Variants in ESR1 observed in about 807,000 individuals in gnomAD.
ESR1 encodes the protein estrogen receptor.
Under a neutral mutation model 52.7 loss-of-function variants are expected in ESR1, and 12 were observed. That is an observed-to-expected ratio of 0.23 (90% CI 0.15 to 0.37). ESR1 has a LOEUF of 0.37. ESR1 is among the 10% of genes least tolerant of loss of function. The pLI, the probability that ESR1 is intolerant of heterozygous loss-of-function variation, is 1.00. For missense variants in ESR1, 584 were observed against 779.7 expected, an observed-to-expected ratio of 0.75 and a Z score of 2.99; for synonymous variants, 305 against 316.8, an observed-to-expected ratio of 0.96 and a Z score of 0.39.
At chr6:151,842,925 G>C (rs537681066) in intron 2 of ESR1, 138 bp downstream of exon 2, 41 of 715,430 alleles carry the variant, frequency 5.7e-5, no homozygotes, top group South Asian at 5.1e-5. Context: ...AGTATCTTTG[G>C]TAGAAACATG....
In ESR1 at chr6:151,842,712, G is replaced by A. The variant is rs2128234580; in HGVS notation, c.568G>A (p.Asp190Asn). Residue 190 changes from aspartate (D) to asparagine (N), a missense_variant, in exon 2 of 8, where the codon GAC becomes AAC. Physicochemically the swap from Asp to Asn is conservative, Grantham distance 23 (BLOSUM62 1). Coordinates refer to ENST00000206249, the MANE Select transcript of ESR1 (RefSeq NM_000125.4). The stretch of plus-strand genomic sequence containing the variant: ...GACTCGCTACTGTGCAGTGTGCAAT[G>A]ACTATGCTTCAGGCTACCATTATGG... ...KETRYCAVCN[D>N]YASGYHYGVW... is the part of the protein sequence containing the mutation. 6.2e-7 allele frequency: 1 copy of A among 1,614,002 alleles called. No homozygotes were observed. Among genetic ancestry groups the A allele is most frequent in the Non-Finnish European group, 8.5e-7 (1 of 1,179,950 alleles).
upstream of ESR1, among the ~76,000 whole-genome samples, chr6:151,686,017 T>C (rs1359730454): frequency 6.6e-6 from 1 of 150,608 alleles, no homozygotes; most frequent in African/African-American, 2.5e-5. Flanking sequence ...AGCCTCCAGG[T>C]AGCTGGGACC....
intron 2 of ESR1, among the ~76,000 whole-genome samples, chr6:151,787,875 A>C (rs1188733391): frequency 6.6e-6 from 1 of 152,154 alleles, no homozygotes; most frequent in Non-Finnish European, 1.5e-5. Flanking sequence ...AGGACTTCTA[A>C]TACTATGTTG....
Position 151,930,542 on chromosome 6 carries a change from C to T in ESR1, c.761-13631C>T, listed in dbSNP as rs142034369. ...ATTTTAAACAGGCAGTTATTGTTTACGTCAATTAAGAATTTAGAAAGAATT... is the reference window on the plus strand; with the variant it reads ...ATTTTAAACAGGCAGTTATTGTTTATGTCAATTAAGAATTTAGAAAGAATT... On this transcript the variant is annotated intron_variant, in intron 3 of 7. Transcript: ENST00000206249. 2.1e-4 allele frequency among the ~76,000 whole-genome samples: 32 copies of T among 152,162 alleles called. 1 individual carries two copies. The East Asian group carries it at 4.6e-3, about 22-fold the overall frequency.
At chr6:151,915,157 T>A (rs764548257) in intron 3 of ESR1, among the ~76,000 whole-genome samples, 8 of 151,356 alleles carry the variant, frequency 5.3e-5, no homozygotes, top group Non-Finnish European at 8.8e-5. Context: ...ATCATGCCAT[T>A]GCACTCCAGC....
intron 1 of ESR1, among the ~76,000 whole-genome samples, chr6:151,835,102 GT>G (rs1423772539): frequency 1.3e-5 from 2 of 152,150 alleles, no homozygotes; most frequent in African/African-American, 2.4e-5. Context: ...ATAAACAGGT[GT>G]TTTTCAGAGA....
intron 2 of ESR1, among the ~76,000 whole-genome samples, chr6:151,709,359 A>G (rs1780414452): frequency 6.6e-6 from 1 of 152,166 alleles, no homozygotes; most frequent in Admixed American, 6.5e-5. Context: ...AACATATACC[A>G]TATTTTCTTT....
At chr6:151,811,474 G>A (rs7766762) in intron 1 of ESR1, among the ~76,000 whole-genome samples, 43,389 of 151,974 alleles carry the variant, frequency 0.29, 9,410 homozygotes, top group African/African-American at 0.61. Flanking sequence ...AAAGTTAGAC[G>A]TCTCTCACTT....
At chr6:151,784,142 C>T (rs1475203737) in intron 2 of ESR1, among the ~76,000 whole-genome samples, 1 of 152,162 alleles carries the variant, frequency 6.6e-6, no homozygotes, top group East Asian at 1.9e-4. Flanking sequence ...CCACACTGTA[C>T]TCTTTGAAGG....
intron 2 of ESR1, among the ~76,000 whole-genome samples, chr6:151,732,606 G>T (rs1178054043): frequency 6.6e-6 from 1 of 151,876 alleles, no homozygotes; most frequent in Non-Finnish European, 1.5e-5. Context: ...GTGTTGATTA[G>T]TTGGATTGCC....
intron 2 of ESR1, among the ~76,000 whole-genome samples, chr6:151,764,978 A>G (rs1784935148): frequency 6.6e-6 from 1 of 152,238 alleles, no homozygotes; most frequent in African/African-American, 2.4e-5. Flanking sequence ...TACAACAGAA[A>G]TCTGTCAGCC....
chr6:151,969,698 C>A (rs184992833), intron 4 of ESR1, among the ~76,000 whole-genome samples: 1 of 152,188 alleles, frequency 6.6e-6, no homozygotes, highest in Admixed American at 6.5e-5. Context: ...GACAGCAGTG[C>A]GGGCAGCTTC....
chr6:151,766,513 A>G (rs1583190648), intron 2 of ESR1, among the ~76,000 whole-genome samples: 1 of 150,760 alleles, frequency 6.6e-6, no homozygotes, highest in African/African-American at 2.4e-5. Flanking sequence ...ATAAAAAAAA[A>G]CAAATAAAAA....
chr6:152,128,625 C>A (rs1207894031), exon 7 of ESR1: 2 of 152,246 alleles, frequency 1.3e-5, no homozygotes, highest in African/African-American at 4.8e-5. Context: ...TCAGTTTCTT[C>A]CAACTCAGTC....
At chr6:151,843,926 A>G (rs1419848189) in intron 2 of ESR1, among the ~76,000 whole-genome samples, 2 of 146,282 alleles carry the variant, frequency 1.4e-5, no homozygotes, top group East Asian at 2.0e-4. Flanking sequence ...TTTTTTTTTT[A>G]AAAGCTGTTC....
chr6:151,744,887 T>C (rs1431486919), intron 2 of ESR1, among the ~76,000 whole-genome samples: 1 of 152,238 alleles, frequency 6.6e-6, no homozygotes, highest in Non-Finnish European at 1.5e-5. Context: ...ATGACTTGTA[T>C]ATGGTGTGAG....
At chr6:151,867,354 G>A (rs1378552651) in intron 2 of ESR1, among the ~76,000 whole-genome samples, 1 of 151,490 alleles carries the variant, frequency 6.6e-6, no homozygotes, top group East Asian at 1.9e-4. Flanking sequence ...GAAAATTTTT[G>A]CAATCTATCC....
downstream of ESR1, among the ~76,000 whole-genome samples, chr6:152,104,563 T>C (rs1764675912): frequency 6.6e-6 from 1 of 152,224 alleles, no homozygotes; most frequent in Non-Finnish European, 1.5e-5. Flanking sequence ...TTTGTTCCTC[T>C]GTTCTTACTG....
chr6:151,877,294 C>G (rs1487293092), intron 2 of ESR1, among the ~76,000 whole-genome samples: 1 of 152,030 alleles, frequency 6.6e-6, no homozygotes, highest in Non-Finnish European at 1.5e-5. Flanking sequence ...CACATATTGA[C>G]CAAGTTACAC....
Sources: allele counts gnomAD v4.1 joint callset (sites outside exome capture counted in the v4.1 genomes callset), GRCh38; gene constraint gnomAD v4.1.1; transcripts MANE v1.5; gene names NCBI Gene and HGNC (gene_info 2026-07-23, HGNC 2026-07-21).